CHRDL1: variants seen among roughly 807,000 people sequenced by gnomAD.
CHRDL1 encodes the protein chordin-like protein 1.
Under a neutral mutation model 40.9 loss-of-function variants are expected in CHRDL1, and 19 were observed. The observed-to-expected ratio is 0.46, with a 90% CI of 0.32 to 0.68. CHRDL1 has a LOEUF of 0.68. Ranked by LOEUF, CHRDL1 falls within the 30% of genes least tolerant of loss-of-function variation. The probability of loss-of-function intolerance (pLI) is 0.03; values close to 1 mark genes in which losing one functional copy is unlikely to be tolerated. For synonymous variants in CHRDL1, 136 were observed against 123.4 expected (o/e 1.10, Z -0.68); for missense variants, 329 against 352.1 (o/e 0.93, Z 0.53).
At chrX:110,717,068 A>T (rs1256426422) in intron 6 of CHRDL1, among the ~76,000 whole-genome samples, 1 of 111,705 alleles carries the variant, frequency 9.0e-6, no homozygotes, top group African/African-American at 3.3e-5. Flanking sequence ...AGATTTTTTA[A>T]AACAAATCCT....
At chrX:110,783,720 T>C (rs987307226) in intron 2 of CHRDL1, among the ~76,000 whole-genome samples, 2 of 111,559 alleles carry the variant, frequency 1.8e-5, no homozygotes, top group African/African-American at 3.3e-5. Flanking sequence ...CAGCTTGCCC[T>C]CATTAGAGGT....
At chrX:110,746,945 G>T (rs2089266031) in intron 4 of CHRDL1, among the ~76,000 whole-genome samples, 1 of 111,787 alleles carries the variant, frequency 8.9e-6, no homozygotes, top group Non-Finnish European at 1.9e-5. Flanking sequence ...CATTTTACAA[G>T]CTGAGAAAAT....
At chrX:110,726,031 G>A (rs986998391) in intron 4 of CHRDL1, among the ~76,000 whole-genome samples, 3 of 111,283 alleles carry the variant, frequency 2.7e-5, no homozygotes, top group African/African-American at 9.8e-5. Context: ...CATCTAAAGG[G>A]CTTTACCCCA....
intron 10 of CHRDL1, among the ~76,000 whole-genome samples, chrX:110,679,807 C>T (rs1277569629): frequency 8.9e-6 from 1 of 111,971 alleles, no homozygotes. Flanking sequence ...CATGCCAAAC[C>T]GCTGGGCTGC....
At chrX:110,676,740 G>T (rs1020099938) in intron 11 of CHRDL1, among the ~76,000 whole-genome samples, 2 of 111,144 alleles carry the variant, frequency 1.8e-5, no homozygotes, top group African/African-American at 6.5e-5. Flanking sequence ...GGTCAAAAAG[G>T]CACTTTGGAA....
At chrX:110,738,789 T>C (rs1486756588) in intron 4 of CHRDL1, among the ~76,000 whole-genome samples, 2 of 110,535 alleles carry the variant, frequency 1.8e-5, no homozygotes, top group Non-Finnish European at 3.8e-5. Context: ...TTCTATGTAT[T>C]CTATGTGAGT....
intron 6 of CHRDL1, among the ~76,000 whole-genome samples, chrX:110,716,519 G>C (rs772156503): frequency 1.8e-5 from 2 of 111,395 alleles, no homozygotes; most frequent in East Asian, 5.6e-4. Context: ...AAGAAGCACA[G>C]GTTAAGTGCT....
At chrX:110,680,332 CA>C (rs747981347) in intron 10 of CHRDL1, among the ~76,000 whole-genome samples, 1 of 111,669 alleles carries the variant, frequency 9.0e-6, no homozygotes, top group Non-Finnish European at 1.9e-5. Context: ...TTAAAGATGG[CA>C]AATCAACACT....
chrX:110,689,905 C>CTATATATCTATATATATCTATATATCTA lies in CHRDL1; in HGVS notation c.779-1130_779-1103dup, dbSNP rs1569462446. On this transcript the variant is annotated intron_variant, in intron 8 of 11. Transcript: ENST00000372042. ...TATATATCTATATATCTATATATATCTATATATCTATATATATCTATATAT... is the reference window on the plus strand; with the variant it reads ...TATATATCTATATATCTATATATATCTATATATCTATATATATCTATATATCTATATATATCTATATATATCTATATAT... Among the ~76,000 whole-genome samples the CTATATATCTATATATATCTATATATCTA allele has an allele frequency of 3.8e-3, 48 of 12,576 alleles. 8 individuals carry two copies. Among genetic ancestry groups the CTATATATCTATATATATCTATATATCTA allele is most frequent in the Non-Finnish European group, 4.8e-3 (37 of 7,725 alleles). The allele number at this position is 12,576 out of a possible 115,157, so 10.9% of individuals were successfully genotyped here.
chrX:110,737,321 A>C, intron 4 of CHRDL1, among the ~76,000 whole-genome samples: 1 of 111,955 alleles, frequency 8.9e-6, no homozygotes, highest in East Asian at 2.8e-4. Flanking sequence ...TTCACTACTT[A>C]CTGGGCCAAT....
intron 4 of CHRDL1, among the ~76,000 whole-genome samples, chrX:110,732,992 AG>A (rs906203101): frequency 1.8e-5 from 2 of 112,299 alleles, no homozygotes; most frequent in African/African-American, 6.5e-5. Flanking sequence ...TTTTTCAAAA[AG>A]ATTCAGGGAG....
chrX:110,778,045 G>A (rs900051666), intron 2 of CHRDL1, among the ~76,000 whole-genome samples: 1 of 110,959 alleles, frequency 9.0e-6, no homozygotes, highest in African/African-American at 3.3e-5. Flanking sequence ...TAACTGGCTC[G>A]CCATATGCAG....
chrX:110,733,531 C>T (rs1603206341), intron 4 of CHRDL1, among the ~76,000 whole-genome samples: 1 of 111,459 alleles, frequency 9.0e-6, no homozygotes. Context: ...TAAAGTGTGC[C>T]GCTTTTTAAG....
intron 4 of CHRDL1, 68 bp from the exon 5 acceptor site, chrX:110,721,598 C>T (rs935358611): frequency 5.4e-6 from 5 of 932,354 alleles, no homozygotes; most frequent in Non-Finnish European, 7.8e-6. Flanking sequence ...TAAATCCCAA[C>T]AGCAGACGGG....
chrX:110,789,650 C>T (rs1209402267), intron 2 of CHRDL1, among the ~76,000 whole-genome samples: 1 of 111,645 alleles, frequency 9.0e-6, no homozygotes, highest in Non-Finnish European at 1.9e-5. Flanking sequence ...AAGCAAATCA[C>T]AGAAAAGTGT....
chrX:110,759,695 C>T lies in CHRDL1; in HGVS notation c.267G>A (p.Val89=). The T allele has an allele frequency of 8.3e-7, 1 of 1,205,864 alleles. No individual in the cohort carries two copies. The highest frequency in any genetic ancestry group is 1.8e-5 in the South Asian group (1 of 56,827). ...GAGGGCAGCACAGATGAGGAATATG[C>T]ACAGGAGAAAGGCAATGAACATTTG... ...RCPNVHCLSP[V]HIPHLCCPRC... The change falls in exon 4 of 12, where the codon GTG becomes GTA. Residue 89 remains valine (V), a synonymous_variant. Coordinates refer to ENST00000372042, the MANE Select transcript of CHRDL1 (RefSeq NM_001143981.2).
intron 9 of CHRDL1, among the ~76,000 whole-genome samples, chrX:110,682,000 C>T (rs1009417576): frequency 4.5e-5 from 5 of 112,051 alleles, no homozygotes; most frequent in African/African-American, 1.6e-4. Flanking sequence ...CTCCTAGGCA[C>T]TTAAGAGAAC....
chrX:110,677,271 A>G (rs1041797962), intron 11 of CHRDL1, among the ~76,000 whole-genome samples: 1 of 111,030 alleles, frequency 9.0e-6, no homozygotes, highest in African/African-American at 3.3e-5. Flanking sequence ...CTATGACTCA[A>G]TGGGAAGATA....
At chrX:110,757,338 T>C (rs1254458889) in intron 4 of CHRDL1, among the ~76,000 whole-genome samples, 1 of 110,319 alleles carries the variant, frequency 9.1e-6, no homozygotes, top group African/African-American at 3.3e-5. Flanking sequence ...ACACATCTCA[T>C]TGTGTGCATC....
Sources: gnomAD v4.1 joint callset for allele counts (sites outside exome capture counted in the v4.1 genomes callset) on GRCh38, gnomAD v4.1.1 for gene constraint, MANE v1.5 for transcripts, NCBI Gene and HGNC (gene_info 2026-07-23, HGNC 2026-07-21) for gene names.